Variants in MTFR1 observed in about 807,000 individuals in gnomAD.
The protein encoded by MTFR1 is chondrocyte protein with a poly-proline region.
Under a neutral mutation model 38.8 loss-of-function variants are expected in MTFR1, and 28 were observed. That is an observed-to-expected ratio of 0.72 (90% CI 0.53 to 0.99). The LOEUF is 0.99. Ranked by LOEUF, MTFR1 falls within the 50% of genes least tolerant of loss-of-function variation. The probability of loss-of-function intolerance (pLI) is 0.00; values close to 1 mark genes in which losing one functional copy is unlikely to be tolerated. For synonymous variants in MTFR1, 145 were observed against 137.0 expected (o/e 1.06, Z -0.41); for missense variants, 358 against 395.5 (o/e 0.91, Z 0.81).
intron 3 of MTFR1, chr8:65,728,400 C>T (rs561506420): frequency 6.6e-6 from 1 of 152,194 alleles, no homozygotes; most frequent in Non-Finnish European, 1.5e-5. Context: ...GTGTTAAGTT[C>T]ATCTCAGTCA....
rs558325726 is a variant in MTFR1 at position 65,689,676 on chromosome 8, G to A, written c.166-3968G>A. The A allele has an allele frequency of 3.1e-5, 32 of 1,026,626 alleles. 1 individual carries two copies. Among genetic ancestry groups the A allele is most frequent in the Non-Finnish European group, 4.1e-5 (32 of 781,916 alleles). The allele number at this position is 1,026,626 out of a possible 1,614,324, so 63.6% of individuals were successfully genotyped here. On this transcript the variant is annotated intron_variant, in intron 3 of 7. Coordinates refer to ENST00000262146, the MANE Select transcript of MTFR1 (RefSeq NM_014637.4). The stretch of plus-strand genomic sequence containing the variant: ...ATCGTATTTCCAAGAATTTCTTAAT[G>A]TCAGTCCTTGCCAGGGCTGACTTCA...
chr8:65,743,765 T>A (rs546790114), intron 3 of MTFR1, among the ~76,000 whole-genome samples: 1 of 152,208 alleles, frequency 6.6e-6, no homozygotes, highest in African/African-American at 2.4e-5. Flanking sequence ...CAGCAGTGAT[T>A]TCATTATTCT....
intron 3 of MTFR1, among the ~76,000 whole-genome samples, chr8:65,761,791 T>C (rs1240972216): frequency 6.6e-6 from 1 of 152,202 alleles, no homozygotes; most frequent in Non-Finnish European, 1.5e-5. Context: ...CATGTTTTTC[T>C]GTTGCTTTCC....
chr8:65,732,984 C>G (rs1806962458), intron 3 of MTFR1, among the ~76,000 whole-genome samples: 1 of 152,140 alleles, frequency 6.6e-6, no homozygotes, highest in African/African-American at 2.4e-5. Flanking sequence ...TGCAGAACTA[C>G]AGGCATGAGT....
At chr8:65,661,480 T>G (rs1809412152) in intron 1 of MTFR1, among the ~76,000 whole-genome samples, 1 of 151,794 alleles carries the variant, frequency 6.6e-6, no homozygotes. Flanking sequence ...CTACTAAAAA[T>G]ACAAAAATTA....
intron 1 of MTFR1, among the ~76,000 whole-genome samples, chr8:65,666,446 G>A (rs1804385497): frequency 6.6e-6 from 1 of 152,118 alleles, no homozygotes; most frequent in African/African-American, 2.4e-5. Flanking sequence ...TTTCGAATAG[G>A]TTTTTCAAAC....
intron 3 of MTFR1, among the ~76,000 whole-genome samples, chr8:65,721,370 A>G (rs1806370815): frequency 6.6e-6 from 1 of 152,228 alleles, no homozygotes; most frequent in Non-Finnish European, 1.5e-5. Context: ...AGTAGTAATC[A>G]CTGCTTGGTG....
intron 3 of MTFR1, among the ~76,000 whole-genome samples, chr8:65,684,669 G>C (rs545662652): frequency 1.4e-4 from 22 of 152,096 alleles, no homozygotes; most frequent in African/African-American, 4.8e-4. Context: ...ACAGGCGTGA[G>C]CCACCGCACC....
In MTFR1 at chr8:65,692,491, C is replaced by G. The variant is rs370270367; in HGVS notation, c.166-1153C>G. ...TAGCTAGGATTACAGGTGTGTGCTACCACGCCTGGCTAATTTTTTTGTATT... is the reference window on the plus strand; with the variant it reads ...TAGCTAGGATTACAGGTGTGTGCTAGCACGCCTGGCTAATTTTTTTGTATT... On this transcript the variant is annotated intron_variant, in intron 3 of 7. Coordinates refer to ENST00000262146, the MANE Select transcript of MTFR1 (RefSeq NM_014637.4). 4.6e-5 allele frequency among the ~76,000 whole-genome samples: 7 copies of G among 152,254 alleles called. No individual in the cohort carries two copies. The East Asian group carries it at 1.2e-3, about 25-fold the overall frequency.
At chr8:65,723,108 G>A (rs1251688654) in intron 3 of MTFR1, 1 of 153,704 alleles carries the variant, frequency 6.5e-6, no homozygotes. Flanking sequence ...AACAGGCAGT[G>A]GTAAGAGTCT....
chr8:65,754,155 T>C (rs907447563), intron 3 of MTFR1, among the ~76,000 whole-genome samples: 1 of 152,144 alleles, frequency 6.6e-6, no homozygotes, highest in Non-Finnish European at 1.5e-5. Flanking sequence ...AGGAGAAAGA[T>C]GTGGGCTAGG....
At chr8:65,754,222 G>A (rs112425574) in intron 3 of MTFR1, among the ~76,000 whole-genome samples, 4,864 of 152,054 alleles carry the variant, frequency 0.032, 267 homozygotes, top group African/African-American at 0.11. Context: ...GTCTAGCCAC[G>A]CTGGCAGCTG....
intron 3 of MTFR1, among the ~76,000 whole-genome samples, chr8:65,720,762 TAACA>T (rs1431113126): frequency 6.6e-6 from 1 of 152,176 alleles, no homozygotes; most frequent in Non-Finnish European, 1.5e-5. Flanking sequence ...GAGAAAGAGA[TAACA>T]AACATAGAAA....
the MTFR1 span, among the ~76,000 whole-genome samples, chr8:65,776,818 T>G: frequency 4.6e-5 from 7 of 152,226 alleles, no homozygotes; most frequent in Non-Finnish European, 7.3e-5. Flanking sequence ...ATGATACTTT[T>G]TCTTTTCTAG....
intron 1 of MTFR1, among the ~76,000 whole-genome samples, chr8:65,653,457 A>T (rs571730780): frequency 6.6e-6 from 1 of 152,332 alleles, no homozygotes; most frequent in African/African-American, 2.4e-5. Flanking sequence ...GGTTGCAGTT[A>T]GCTGTTATCG....
At chr8:65,705,311 A>AG (rs1805751740) in intron 5 of MTFR1, among the ~76,000 whole-genome samples, 1 of 152,210 alleles carries the variant, frequency 6.6e-6, no homozygotes, top group Non-Finnish European at 1.5e-5. Flanking sequence ...CGACAGAGCA[A>AG]GGCTTCTTCT....
chr8:65,726,173 A>G (rs1195525269), intron 3 of MTFR1, among the ~76,000 whole-genome samples: 1 of 152,182 alleles, frequency 6.6e-6, no homozygotes, highest in Non-Finnish European at 1.5e-5. Flanking sequence ...ATCCACTTTC[A>G]TGGTTTGCTG....
At chr8:65,670,935 A>T (rs1804554540) in intron 2 of MTFR1, among the ~76,000 whole-genome samples, 2 of 152,002 alleles carry the variant, frequency 1.3e-5, no homozygotes, top group East Asian at 3.9e-4. Flanking sequence ...TGAACCCCTG[A>T]CTGCCCACCC....
Position 65,678,801 on chromosome 8 carries a change from C to T in MTFR1, c.67-3552C>T, listed in dbSNP as rs1044963408. Among the ~76,000 whole-genome samples the T allele has an allele frequency of 2.6e-5, 4 of 151,962 alleles. No homozygotes were observed. The East Asian group carries it at 7.7e-4, about 29-fold the overall frequency. On this transcript the variant is annotated intron_variant, in intron 2 of 7. Transcript: ENST00000262146. ...CTATAATTCTAGCTAGATAGAATTG[C>T]TGTAACCCAGGAGATGGAAGTTTCA... is the stretch of plus-strand genomic sequence containing the variant.
Sources: allele counts gnomAD v4.1 joint callset (sites outside exome capture counted in the v4.1 genomes callset), GRCh38; gene constraint gnomAD v4.1.1; transcripts MANE v1.5; gene names NCBI Gene and HGNC (gene_info 2026-07-23, HGNC 2026-07-21).